The following LDLRAD3 variants were observed in gnomAD, a reference collection of about 807,000 sequenced individuals.
LDLRAD3 encodes the protein low density lipoprotein receptor class A domain containing 3, also known as low-density lipoprotein receptor class A domain-containing protein 3.
Under a neutral mutation model 29.4 loss-of-function variants are expected in LDLRAD3, and 20 were observed. The observed-to-expected ratio is 0.68, with a 90% CI of 0.48 to 0.99. The LOEUF (loss-of-function observed/expected upper bound fraction) is 0.99, where lower values mean the gene tolerates loss of function less well. Ranked by LOEUF, LDLRAD3 falls within the 50% of genes least tolerant of loss-of-function variation. The pLI, the probability that LDLRAD3 is intolerant of heterozygous loss-of-function variation, is 0.00. For synonymous variants in LDLRAD3, 157 were observed against 192.7 expected (o/e 0.81, Z 1.53); for missense variants, 420 against 454.3 (o/e 0.92, Z 0.69).
rs146271136 is a variant in LDLRAD3, at chr11:35,980,917, C to T, written c.46+36773C>T. On this transcript the variant is annotated intron_variant, in intron 1 of 5. Coordinates refer to ENST00000315571, the MANE Select transcript of LDLRAD3 (RefSeq NM_174902.4). ...ACTGCTTTTGAACTAGTGGTGGGAA[C>T]CTTGGAAATCCCCCACAGTCTGGGG... Among the ~76,000 whole-genome samples the T allele has an allele frequency of 1.2e-4, 18 of 152,136 alleles. 1 individual carries two copies. The highest frequency in any genetic ancestry group is 4.1e-4 in the African/African-American group (17 of 41,500).
intron 4 of LDLRAD3, among the ~76,000 whole-genome samples, chr11:36,210,021 T>C (rs915886274): frequency 6.6e-6 from 1 of 152,258 alleles, no homozygotes; most frequent in Non-Finnish European, 1.5e-5. Flanking sequence ...AAATCCTTTC[T>C]TACTTTTTGA....
intron 4 of LDLRAD3, among the ~76,000 whole-genome samples, chr11:36,221,056 G>A (rs377173558): frequency 6.6e-6 from 1 of 152,120 alleles, no homozygotes; most frequent in East Asian, 1.9e-4. Context: ...GGACTTAGGA[G>A]GTCAGGCTGG....
At chr11:36,105,989 C>T (rs970953418) in intron 4 of LDLRAD3, among the ~76,000 whole-genome samples, 1 of 152,054 alleles carries the variant, frequency 6.6e-6, no homozygotes, top group Non-Finnish European at 1.5e-5. Context: ...AGTGCAAGAG[C>T]GAAGGAAAGT....
chr11:36,219,211 G>A (rs1457232420), intron 4 of LDLRAD3, among the ~76,000 whole-genome samples: 1 of 152,218 alleles, frequency 6.6e-6, no homozygotes, highest in Non-Finnish European at 1.5e-5. Flanking sequence ...CCAGCTCATG[G>A]TCTATACCAA....
intron 4 of LDLRAD3, among the ~76,000 whole-genome samples, chr11:36,145,368 T>C (rs1590306680): frequency 4.5e-5 from 4 of 87,976 alleles, no homozygotes; most frequent in African/African-American, 1.1e-4. Flanking sequence ...AGCCGCCCCG[T>C]CTGGGAGGGA....
chr11:36,215,776 C>A (rs369554857), intron 4 of LDLRAD3, among the ~76,000 whole-genome samples: 1 of 152,148 alleles, frequency 6.6e-6, no homozygotes, highest in Non-Finnish European at 1.5e-5. Context: ...TGTATCAGCC[C>A]GTTCCCCTAA....
At chr11:36,205,371 G>A (rs567842010) in intron 4 of LDLRAD3, among the ~76,000 whole-genome samples, 1 of 152,268 alleles carries the variant, frequency 6.6e-6, no homozygotes, top group East Asian at 1.9e-4. Flanking sequence ...ATTCCAAGGA[G>A]TAGGACAGTC....
intron 1 of LDLRAD3, among the ~76,000 whole-genome samples, chr11:36,024,255 C>T (rs942371722): frequency 6.6e-6 from 1 of 152,186 alleles, no homozygotes; most frequent in African/African-American, 2.4e-5. Context: ...ACCACCTGCT[C>T]TCTTATATAT....
intron 1 of LDLRAD3, among the ~76,000 whole-genome samples, chr11:35,981,234 C>G (rs1430914800): frequency 1.3e-5 from 2 of 151,540 alleles, no homozygotes; most frequent in African/African-American, 4.9e-5. Flanking sequence ...GGGGCTGAGT[C>G]AGAGGGAGGG....
chr11:36,074,229 G>A (rs1460103716), intron 2 of LDLRAD3, among the ~76,000 whole-genome samples: 1 of 152,216 alleles, frequency 6.6e-6, no homozygotes, highest in Non-Finnish European at 1.5e-5. Context: ...TACGTTCTTG[G>A]AGGCTGGAAG....
chr11:36,019,041 C>T (rs1852058375), intron 1 of LDLRAD3, among the ~76,000 whole-genome samples: 1 of 152,130 alleles, frequency 6.6e-6, no homozygotes, highest in Admixed American at 6.5e-5. Flanking sequence ...CCAAGTACTT[C>T]TTCTTTCTGG....
chr11:36,130,132 A>G (rs1044900970), intron 4 of LDLRAD3, among the ~76,000 whole-genome samples: 1 of 152,210 alleles, frequency 6.6e-6, no homozygotes, highest in Non-Finnish European at 1.5e-5. Flanking sequence ...GTTGAGAGAC[A>G]GGCATTGAAC....
At chr11:35,951,802 C>G (rs1197259086) in intron 1 of LDLRAD3, among the ~76,000 whole-genome samples, 2 of 152,190 alleles carry the variant, frequency 1.3e-5, no homozygotes, top group African/African-American at 2.4e-5. Context: ...CAGCCATGCA[C>G]ATAACTGGAG....
chr11:36,129,136 C>A (rs1853887726), intron 4 of LDLRAD3, among the ~76,000 whole-genome samples: 2 of 152,198 alleles, frequency 1.3e-5, no homozygotes, highest in African/African-American at 4.8e-5. Flanking sequence ...ATTTAATAGA[C>A]CTTCCCAGAT....
intron 1 of LDLRAD3, among the ~76,000 whole-genome samples, chr11:35,947,284 G>A (rs1851069307): frequency 2.6e-5 from 4 of 151,354 alleles, no homozygotes; most frequent in Non-Finnish European, 4.4e-5. Context: ...CAAGATGTGT[G>A]GATCGCTTGA....
chr11:35,953,668 C>T (rs915951742), intron 1 of LDLRAD3, among the ~76,000 whole-genome samples: 5 of 152,046 alleles, frequency 3.3e-5, no homozygotes, highest in African/African-American at 9.7e-5. Flanking sequence ...TGAAAAAAGC[C>T]TCTTGATTGA....
At chr11:36,097,298 A>G (rs1029029612) in intron 3 of LDLRAD3, among the ~76,000 whole-genome samples, 2 of 152,212 alleles carry the variant, frequency 1.3e-5, no homozygotes, top group Admixed American at 6.5e-5. Flanking sequence ...AAAGGCTGAT[A>G]TATAGTTAGG....
At chr11:36,143,925 C>T (rs181241581) in intron 4 of LDLRAD3, among the ~76,000 whole-genome samples, 19 of 123,870 alleles carry the variant, frequency 1.5e-4, no homozygotes, top group African/African-American at 5.4e-4. Flanking sequence ...TCCCTCTCCC[C>T]CTCCCCCTCC....
intron 2 of LDLRAD3, among the ~76,000 whole-genome samples, chr11:36,060,353 C>CAAAAAAAAAAAAAAAAAAAAAAA (rs60557347): frequency 1.4e-5 from 1 of 73,554 alleles, no homozygotes; most frequent in African/African-American, 5.1e-5. Flanking sequence ...GACTCTGTCT[C>CAAAAAAAAAAAAAAAAAAAAAAA]AAAAAAAAAA....
Sources: allele counts gnomAD v4.1 joint callset (sites outside exome capture counted in the v4.1 genomes callset), GRCh38; gene constraint gnomAD v4.1.1; transcripts MANE v1.5; gene names NCBI Gene and HGNC (gene_info 2026-07-23, HGNC 2026-07-21).